KRT27: variants seen among roughly 807,000 people sequenced by gnomAD.
KRT27 encodes the protein keratin, type I cytoskeletal 27.
Under a neutral mutation model 45.3 loss-of-function variants are expected in KRT27, and 30 were observed. The observed-to-expected ratio is 0.66, with a 90% CI of 0.50 to 0.90. The LOEUF (loss-of-function observed/expected upper bound fraction) is 0.90. Among genes scored for constraint, KRT27 ranks in the 40% least tolerant of loss-of-function variants. KRT27 has a pLI of 0.00. For missense variants in KRT27, 610 were observed against 564.3 expected (o/e 1.08, Z -0.82); for synonymous variants, 204 against 223.9 (o/e 0.91, Z 0.79).
At chr17:40,780,505 A>G (rs1411878279) in intron 2 of KRT27, 49 bp from the exon 3 acceptor site, 1 of 1,526,180 alleles carries the variant, frequency 6.6e-7, no homozygotes, top group Non-Finnish European at 9.0e-7. Context: ...GACATGGCAC[A>G]TCACTTTTTA....
chr17:40,780,244 AG>A (rs769468236), intron 3 of KRT27, 55 bp downstream of exon 3: 674 of 1,495,850 alleles, frequency 4.5e-4, no homozygotes, highest in Non-Finnish European at 5.8e-4. Context: ...ATCTGAAATT[AG>A]TTTTAAAATT....
Position 40,780,409 on chromosome 17 carries a change from T to A in KRT27, c.575A>T (p.Asn192Ile). 6.2e-7 allele frequency: 1 copy of A among 1,613,920 alleles called. No individual in the cohort carries two copies. The highest frequency in any genetic ancestry group is 1.6e-4 in the Middle Eastern group (1 of 6,062). Residue 192 changes from asparagine (N) to isoleucine (I), a missense_variant, in exon 3 of 8, where the codon AAT becomes ATT. Physicochemically the swap from Asn to Ile is moderately radical, Grantham distance 149. Coordinates refer to ENST00000301656, the MANE Select transcript of KRT27 (RefSeq NM_181537.4). ...ALHQSVEADI[N>I]GLRRVLDELT... The stretch of plus-strand genomic sequence containing the variant: ...CTCATCCAGGACTCTTCGCAAACCA[T>A]TGATGTCCGCCTCCACGCTCTGGTG...
intron 6 of KRT27, 84 bp downstream of exon 6, chr17:40,777,431 G>A: frequency 6.5e-7 from 1 of 1,537,992 alleles, no homozygotes. Context: ...GCGTGATCTA[G>A]ATCATAGATA....
Position 40,779,324 on chromosome 17 carries a change from T to G in KRT27, c.972+178A>C, listed in dbSNP as rs111639403. ...TTCTAATATTTCATAATTATTGGCA[T>G]CCAGCTATACTTTGTAGGCAAAGAG... On this transcript the variant is annotated intron_variant, in intron 5 of 7. Coordinates refer to ENST00000301656, the MANE Select transcript of KRT27 (RefSeq NM_181537.4). Among the ~76,000 whole-genome samples the G allele has an allele frequency of 6.1e-3, 932 of 152,376 alleles. 8 individuals are homozygous for G. The highest frequency in any genetic ancestry group is 0.01 in the Non-Finnish European group (710 of 68,030).
At position 40,780,343 on chromosome 17, in the gene KRT27, G is replaced by A; in HGVS notation, c.641C>T (p.Thr214Ile). 6.2e-7 allele frequency: 1 copy of A among 1,612,776 alleles called. No individual in the cohort carries two copies. The highest frequency in any genetic ancestry group is 8.5e-7 in the Non-Finnish European group (1 of 1,179,392). Residue 214 changes from threonine (T) to isoleucine (I), a missense_variant, in exon 3 of 8, where the codon ACT becomes ATT. Coordinates refer to ENST00000301656, the MANE Select transcript of KRT27 (RefSeq NM_181537.4). ...GAGGTAAGCGAGCTCCTCACTGAGA[G>A]TTTCCAGCTGGATCTCCAGGTCCGT... ...CRTDLEIQLE[T>I]LSEELAYLKK...
In KRT27 at chr17:40,779,788, AGGTCTACCCCGGG is replaced by A. The variant is rs779676113; in HGVS notation, c.745_757del (p.Pro249SerfsTer5). On this transcript the variant is annotated frameshift_variant, in exon 4 of 8. Transcript: ENST00000301656. LOFTEE classifies it high-confidence loss of function. ...TCGCATATTGTTCAGCAGAACCGTG[AGGTCTACCCCGGG>A]GGCCGCGTTCATCTCCACGTTCACG... is the stretch of plus-strand genomic sequence containing the variant. The A allele has an allele frequency of 6.2e-7, 1 of 1,614,280 alleles. No individual in the cohort carries two copies. The highest frequency in any genetic ancestry group is 1.1e-5 in the South Asian group (1 of 91,088).
At chr17:40,781,949 G>T in intron 1 of KRT27, 101 bp downstream of exon 1, 3 of 990,326 alleles carry the variant, frequency 3.0e-6, no homozygotes, top group Admixed American at 2.8e-5. Context: ...TTTAGAAGCT[G>T]AGGGCAAAGC....
At chr17:40,780,217 A>T in intron 3 of KRT27, 83 bp downstream of exon 3, 2 of 1,316,988 alleles carry the variant, frequency 1.5e-6, no homozygotes, top group Non-Finnish European at 2.1e-6. Flanking sequence ...ATGTTAATTT[A>T]AGACATTATA....
rs1406119620 is a variant in KRT27, at chr17:40,780,437, G to A, written c.547C>T (p.Leu183Phe). ...FRLKFENELALHQSVEADING... is the reference protein window; with the variant it reads ...FRLKFENELAFHQSVEADING... ...ATGTCCGCCTCCACGCTCTGGTGAA[G>A]CGCTAGCTCGTTTTCAAACCTTAGA... is the stretch of plus-strand genomic sequence containing the variant. Residue 183 changes from leucine (L) to phenylalanine (F), a missense_variant, in exon 3 of 8, where the codon CTT becomes TTT. By Grantham distance (22) the Leu-to-Phe change is conservative. Transcript: ENST00000301656. 3.1e-6 allele frequency: 5 copies of A among 1,613,440 alleles called. No homozygotes were observed. The highest frequency in any genetic ancestry group is 4.2e-6 in the Non-Finnish European group (5 of 1,179,838).
chr17:40,781,379 TC>T, intron 1 of KRT27, 109 bp from the exon 2 acceptor site: 1 of 656,978 alleles, frequency 1.5e-6, no homozygotes, highest in Non-Finnish European at 2.7e-6. Context: ...GGCATCTGTC[TC>T]TAATAATCAG....
At chr17:40,777,821 C>CT in intron 5 of KRT27, 89 bp from the exon 6 acceptor site, 15 of 1,258,584 alleles carry the variant, frequency 1.2e-5, no homozygotes, top group Non-Finnish European at 1.5e-5. Context: ...AGAGAATTAT[C>CT]CTTACATCAT....
In KRT27 at chr17:40,780,465, A is replaced by G; in HGVS notation, c.528-9T>C. The stretch of plus-strand genomic sequence containing the variant: ...CTAGCTCGTTTTCAAACCTTAGAAA[A>G]GTATTTGGAAGTTTCATCATTAGTC... On this transcript the variant is annotated splice_polypyrimidine_tract_variant and intron_variant, in intron 2 of 7. Coordinates refer to ENST00000301656, the MANE Select transcript of KRT27 (RefSeq NM_181537.4). 6.2e-7 allele frequency: 1 copy of G among 1,611,752 alleles called. No homozygotes were observed.
At position 40,780,608 on chromosome 17, in the gene KRT27, C is replaced by T. The variant is rs530875179; in HGVS notation, c.528-152G>A. The T allele has an allele frequency of 1.0e-4, 62 of 617,344 alleles. No individual in the cohort carries two copies. The South Asian group carries it at 1.2e-3, about 12-fold the overall frequency. 38.2% of individuals were successfully genotyped at this position (617,344 alleles called of 1,614,324 possible). A position where few individuals can be genotyped will look rare whatever the true frequency, so the allele number is the denominator to read the frequency against. On this transcript the variant is annotated intron_variant, in intron 2 of 7. Coordinates refer to ENST00000301656, the MANE Select transcript of KRT27 (RefSeq NM_181537.4). ...GGGCGCGGTGGCTCACGCCTGTAATCCCAGCACTTTGGGAGGCAGAGGCGG... is the reference window on the plus strand; with the variant it reads ...GGGCGCGGTGGCTCACGCCTGTAATTCCAGCACTTTGGGAGGCAGAGGCGG...
chr17:40,779,802 G>A lies in KRT27; in HGVS notation c.744C>T (p.Ala248=), dbSNP rs1368886889. The A allele has an allele frequency of 3.7e-6, 6 of 1,614,126 alleles. No individual in the cohort carries two copies. Among genetic ancestry groups the A allele is most frequent in the Middle Eastern group, 1.6e-4 (1 of 6,084 alleles). ...GGNVNVEMNA[A]PGVDLTVLLN... ...GCAGAACCGTGAGGTCTACCCCGGG[G>A]GCCGCGTTCATCTCCACGTTCACGT... The change falls in exon 4 of 8, where the codon GCC becomes GCT. Residue 248 remains alanine, a synonymous_variant. Coordinates refer to ENST00000301656, the MANE Select transcript of KRT27 (RefSeq NM_181537.4).
Position 40,782,056 on chromosome 17 carries a change from C to A in KRT27, c.438G>T (p.Lys146Asn), listed in dbSNP as rs1268093929. 2 of 1,609,528 alleles carry A rather than the reference C, an allele frequency of 1.2e-6. No homozygotes were observed. Among genetic ancestry groups the A allele is most frequent in the Admixed American group, 1.7e-5 (1 of 59,988 alleles). Residue 146 changes from lysine to asparagine, a missense_variant, in exon 1 of 8, where the codon AAG becomes AAT. Physicochemically the swap from Lys to Asn is moderately conservative, Grantham distance 94. Coordinates refer to ENST00000301656, the MANE Select transcript of KRT27 (RefSeq NM_181537.4). ...ACGCCATGGCGTTTCTTACCTGGTTCTTAAGTTCGTCAATAATTGGGAAAT... is the reference window on the plus strand; with the variant it reads ...ACGCCATGGCGTTTCTTACCTGGTTATTAAGTTCGTCAATAATTGGGAAAT... ...SRYFPIIDELKNQIISATTSN... is the reference protein window; with the variant it reads ...SRYFPIIDELNNQIISATTSN...
rs772432537 is a variant in KRT27, at chr17:40,779,793, T to C, written c.753A>G (p.Val251=). The C allele has an allele frequency of 5.6e-6, 9 of 1,614,144 alleles. No individual in the cohort carries two copies. Among genetic ancestry groups the C allele is most frequent in the African/African-American group, 1.3e-5 (1 of 74,960 alleles). Residue 251 remains valine (V), a synonymous_variant, in exon 4 of 8, where the codon GTA becomes GTG. Transcript: ENST00000301656. ...TATTGTTCAGCAGAACCGTGAGGTC[T>C]ACCCCGGGGGCCGCGTTCATCTCCA... The part of the protein sequence containing the change: ...VNVEMNAAPG[V]DLTVLLNNMR...
rs1435093009 is a variant in KRT27 at position 40,782,542 on chromosome 17, G to A, written c.-49C>T. On this transcript the variant is annotated 5_prime_UTR_variant, in exon 1 of 8. Transcript: ENST00000301656. Reference sequence around the variant, plus strand: ...GTTTCTGCGGTGATGCTCTGATGGTGAACGGCCTACTCAAACAGCTTGGTT... The same window carrying A: ...GTTTCTGCGGTGATGCTCTGATGGTAAACGGCCTACTCAAACAGCTTGGTT... The A allele has an allele frequency of 7.0e-7, 1 of 1,428,454 alleles. No homozygotes were observed. The allele number at this position is 1,428,454 out of a possible 1,614,324, so 88.5% of individuals were successfully genotyped here.
Position 40,782,147 on chromosome 17 carries a change from ATCT to A in KRT27, c.344_346del (p.Lys115del). ...TCCAAATTTCTCATACCACCCCTTG[ATCT>A]TCTGCTCCAAGTCAGCGTTGGCCTC... On this transcript the variant is annotated inframe_deletion, in exon 1 of 8. Transcript: ENST00000301656. 6.2e-7 allele frequency: 1 copy of A among 1,614,182 alleles called. No individual in the cohort carries two copies. The highest frequency in any genetic ancestry group is 1.1e-5 in the South Asian group (1 of 91,080).
At position 40,781,245 on chromosome 17, in the gene KRT27, G is replaced by T; in HGVS notation, c.470C>A (p.Ala157Asp). The change falls in exon 2 of 8, where the codon GCC (alanine) becomes GAC (aspartate). Residue 157 changes from alanine (A) to aspartate (D), a missense_variant. Physicochemically the swap from Ala to Asp is moderately radical, Grantham distance 126. Transcript: ENST00000301656. ...NQIISATTSN[A>D]HVVLQNDNAR... Reference sequence around the variant, plus strand: ...ATTATCATTTTGCAGGACAACATGGGCATTACTGGTAGTTGCAGAAATTAT... The same window carrying T: ...ATTATCATTTTGCAGGACAACATGGTCATTACTGGTAGTTGCAGAAATTAT... The T allele has an allele frequency of 6.2e-7, 1 of 1,609,430 alleles. No homozygotes were observed. The highest frequency in any genetic ancestry group is 1.1e-5 in the South Asian group (1 of 90,464).
Sources: gnomAD v4.1 joint callset for allele counts (sites outside exome capture counted in the v4.1 genomes callset) on GRCh38, gnomAD v4.1.1 for gene constraint, MANE v1.5 for transcripts, NCBI Gene and HGNC (gene_info 2026-07-23, HGNC 2026-07-21) for gene names.